GRM7: variants seen among roughly 807,000 people sequenced by gnomAD.
GRM7 encodes the protein metabotropic glutamate receptor 7.
GRM7 carries 35 observed loss-of-function variants against 84.5 expected under a neutral mutation model. That is an observed-to-expected ratio of 0.41 (90% CI 0.32 to 0.55). GRM7 has a LOEUF of 0.55. GRM7 is among the 20% of genes least tolerant of loss of function. The pLI, the probability that GRM7 is intolerant of heterozygous loss-of-function variation, is 0.19. For missense variants in GRM7, 1,003 were observed against 1,194.6 expected, an observed-to-expected ratio of 0.84 and a Z score of 2.36; for synonymous variants, 487 against 455.1, an observed-to-expected ratio of 1.07 and a Z score of -0.89.
chr3:7,727,252 T>C (rs1702161385), intron 9 of GRM7, among the ~76,000 whole-genome samples: 1 of 152,194 alleles, frequency 6.6e-6, no homozygotes, highest in Non-Finnish European at 1.5e-5. Flanking sequence ...TTGGGTTATT[T>C]AAAATTGCAA....
intron 1 of GRM7, among the ~76,000 whole-genome samples, chr3:6,878,568 A>G (rs1466041462): frequency 6.6e-6 from 1 of 152,126 alleles, no homozygotes; most frequent in Non-Finnish European, 1.5e-5. Context: ...TACAAAAACA[A>G]CAACACATCC....
rs528278655 is a variant in GRM7 at position 6,928,810 on chromosome 3, G to A, written c.519+66903G>A. Among the ~76,000 whole-genome samples the A allele has an allele frequency of 4.6e-5, 7 of 152,274 alleles. No individual in the cohort carries two copies. Among genetic ancestry groups the A allele is most frequent in the South Asian group, 2.1e-4 (1 of 4,832 alleles). On this transcript the variant is annotated intron_variant, in intron 1 of 9. Coordinates refer to ENST00000357716, the MANE Select transcript of GRM7 (RefSeq NM_000844.4). The surrounding 1 kb of genome is among the most constrained non-coding windows in gnomAD (Gnocchi z 4.5). ...GAAAATGTTCTTTTAAATTGAGCAC[G>A]CTGTGGGTTTGTGAACACTTGTTTG...
chr3:7,660,134 G>T (rs1256620675), intron 8 of GRM7, among the ~76,000 whole-genome samples: 2 of 152,154 alleles, frequency 1.3e-5, no homozygotes, highest in Admixed American at 1.3e-4. Flanking sequence ...TTGTCTGAAT[G>T]TATCAGCCCT....
intron 2 of GRM7, among the ~76,000 whole-genome samples, chr3:7,216,671 A>G (rs1696623926): frequency 1.3e-5 from 2 of 152,174 alleles, no homozygotes; most frequent in Admixed American, 1.3e-4. Flanking sequence ...ACTGTTCTCT[A>G]TTATTGCATA....
intron 6 of GRM7, among the ~76,000 whole-genome samples, chr3:7,460,092 A>C (rs1273372144): frequency 8.7e-6 from 1 of 115,216 alleles, no homozygotes; most frequent in African/African-American, 3.0e-5. Context: ...AAGTATGCTT[A>C]AAATAGTAAA....
chr3:7,613,517 A>G (rs1696941588), intron 8 of GRM7, among the ~76,000 whole-genome samples: 2 of 152,176 alleles, frequency 1.3e-5, no homozygotes, highest in South Asian at 4.1e-4. Context: ...CTCCCAGGGC[A>G]GGGAAGTGGA....
At chr3:7,301,853 A>T (rs1328345653) in intron 3 of GRM7, among the ~76,000 whole-genome samples, 2 of 152,166 alleles carry the variant, frequency 1.3e-5, no homozygotes, top group East Asian at 3.9e-4. Context: ...GAAGATTTAC[A>T]TTGTAGATGG....
rs116025193 is a variant in GRM7 at position 7,362,397 on chromosome 3, T to G, written c.1034-52626T>G. ...ATTCAAAACGAGAGAAAATGACTAT[T>G]CTTGAAAATAATTATTATTTGGTCA... On this transcript the variant is annotated intron_variant, in intron 4 of 9. Transcript: ENST00000357716. 6.1e-3 allele frequency among the ~76,000 whole-genome samples: 933 copies of G among 152,208 alleles called. 6 individuals are homozygous for G. The highest frequency in any genetic ancestry group is 0.021 in the African/African-American group (879 of 41,562).
Position 7,550,547 on chromosome 3 carries a change from T to TTCTC in GRM7, c.1516-27847_1516-27844dup, listed in dbSNP as rs113713129. Reference sequence around the variant, plus strand: ...CTTCCTTTTTTTCTTCTCCCTTTTCTTCTCTCTCTCTCTCTCTCTCTCTCT... The same window carrying TTCTC: ...CTTCCTTTTTTTCTTCTCCCTTTTCTTCTCTCTCTCTCTCTCTCTCTCTCTCTCT... On this transcript the variant is annotated intron_variant, in intron 7 of 9. Transcript: ENST00000357716. Among the ~76,000 whole-genome samples, 36 of 103,532 alleles carry TTCTC rather than the reference T, an allele frequency of 3.5e-4. 1 individual carries two copies. In the South Asian group the frequency reaches 3.9e-3, roughly 11 times the overall value. The allele number at this position is 103,532 out of a possible 152,430, so 67.9% of individuals were successfully genotyped here.
At chr3:6,880,452 C>G (rs1394716467) in intron 1 of GRM7, among the ~76,000 whole-genome samples, 1 of 152,090 alleles carries the variant, frequency 6.6e-6, no homozygotes, top group Non-Finnish European at 1.5e-5. Flanking sequence ...CTGCAGATGT[C>G]CTGGCGGGCT....
At chr3:7,657,169 C>T (rs1245543455) in intron 8 of GRM7, among the ~76,000 whole-genome samples, 1 of 152,134 alleles carries the variant, frequency 6.6e-6, no homozygotes, top group Admixed American at 6.5e-5. Context: ...CCAAAATACC[C>T]TTGTTGTAGT....
intron 7 of GRM7, among the ~76,000 whole-genome samples, chr3:7,482,281 A>T (rs1303853186): frequency 2.0e-5 from 3 of 152,220 alleles, no homozygotes; most frequent in Non-Finnish European, 4.4e-5. Context: ...GTTTGATTAC[A>T]TGCGTCTCAA....
chr3:7,479,619 T>A (rs2124934602), intron 7 of GRM7, among the ~76,000 whole-genome samples: 1 of 152,348 alleles, frequency 6.6e-6, no homozygotes, highest in East Asian at 1.9e-4. Context: ...AATCACTCAC[T>A]GTATGCCAGT....
chr3:6,967,518 C>G (rs579837), intron 1 of GRM7, among the ~76,000 whole-genome samples: 1 of 152,226 alleles, frequency 6.6e-6, no homozygotes, highest in Non-Finnish European at 1.5e-5. Context: ...TTACCCTAAT[C>G]GGCTCTGTTG....
At chr3:7,419,316 A>G (rs1575309680) in intron 5 of GRM7, among the ~76,000 whole-genome samples, 2 of 152,246 alleles carry the variant, frequency 1.3e-5, no homozygotes, top group Non-Finnish European at 1.5e-5. Context: ...TCCAAGGCCC[A>G]ATGACATTTG....
chr3:7,307,575 C>T (rs749415288), intron 4 of GRM7, among the ~76,000 whole-genome samples: 1 of 152,170 alleles, frequency 6.6e-6, no homozygotes, highest in African/African-American at 2.4e-5. Flanking sequence ...TTAGACAAAT[C>T]AGGTTGTGGT....
At chr3:7,461,332 T>A (rs985029079) in intron 6 of GRM7, among the ~76,000 whole-genome samples, 2 of 152,132 alleles carry the variant, frequency 1.3e-5, no homozygotes, top group Non-Finnish European at 2.9e-5. Context: ...GAATAAAATT[T>A]TAAGAAATAT....
chr3:7,220,499 A>G (rs12635691), intron 2 of GRM7, among the ~76,000 whole-genome samples: 92,483 of 152,002 alleles, frequency 0.61, 29,700 homozygotes, highest in Non-Finnish European at 0.73. Flanking sequence ...CATAGAAAAC[A>G]AGGAAAGTTG....
intron 1 of GRM7, among the ~76,000 whole-genome samples, chr3:7,003,323 A>G (rs182937144): frequency 9.8e-5 from 15 of 152,310 alleles, no homozygotes; most frequent in Non-Finnish European, 1.6e-4. Context: ...TCTACAATGT[A>G]TGCATATATC....
Sources: allele counts gnomAD v4.1 joint callset (sites outside exome capture counted in the v4.1 genomes callset), GRCh38; gene constraint gnomAD v4.1.1; non-coding constraint Gnocchi (gnomAD v3.1); transcripts MANE v1.5; gene names NCBI Gene and HGNC (gene_info 2026-07-23, HGNC 2026-07-21).